Variants in RBFOX1 observed in about 807,000 individuals in gnomAD.
RBFOX1 encodes the protein RNA binding fox-1 homolog 1, also known as RNA binding protein fox-1 homolog 1.
In RBFOX1, 8 loss-of-function variants were observed where a neutral mutation model predicts 57.7. The observed-to-expected ratio is 0.14, with a 90% CI of 0.08 to 0.25. The LOEUF is 0.25. Among genes scored for constraint, RBFOX1 ranks in the 10% least tolerant of loss-of-function variants. The pLI, the probability that RBFOX1 is intolerant of heterozygous loss-of-function variation, is 1.00. For missense variants in RBFOX1, 611 were observed against 548.5 expected (o/e 1.11, Z -1.14); for synonymous variants, 326 against 222.4 (o/e 1.47, Z -4.15).
At chr16:7,707,344 G>T (rs761219980) in intron 14 of RBFOX1, among the ~76,000 whole-genome samples, 2 of 152,082 alleles carry the variant, frequency 1.3e-5, no homozygotes, top group Non-Finnish European at 2.9e-5. Flanking sequence ...ACATGTATTG[G>T]ATTGGTATCA....
chr16:6,014,212 G>A (rs768007871), upstream of RBFOX1, among the ~76,000 whole-genome samples: 3 of 151,364 alleles, frequency 2.0e-5, no homozygotes, highest in Non-Finnish European at 2.9e-5. Flanking sequence ...AATACCACAT[G>A]CTTGTTGCTT....
chr16:6,251,642 A>G (rs544627472), intron 1 of RBFOX1, among the ~76,000 whole-genome samples: 26 of 152,136 alleles, frequency 1.7e-4, no homozygotes, highest in Non-Finnish European at 2.8e-4. Context: ...AATGCCAGCT[A>G]AAACTCTGCT....
chr16:7,036,981 C>G (rs146404467), intron 3 of RBFOX1, among the ~76,000 whole-genome samples: 5 of 152,236 alleles, frequency 3.3e-5, no homozygotes, highest in South Asian at 2.1e-4. Context: ...TACAGGGTAA[C>G]TTCCTGACGT....
rs1214106377 is a variant in RBFOX1, at chr16:5,598,495, C to G, written c.259-407C>G. Among the ~76,000 whole-genome samples the G allele has an allele frequency of 2.0e-5, 3 of 152,072 alleles. No homozygotes were observed. In the East Asian group the frequency reaches 5.8e-4, roughly 29 times the overall value. ...AATAATAAACTTCCTTTGAGATAGTCTTAATATATTTACATTTTTAAACAT... is the reference window on the plus strand; with the variant it reads ...AATAATAAACTTCCTTTGAGATAGTGTTAATATATTTACATTTTTAAACAT... On this transcript the variant is annotated intron_variant, in intron 2 of 2. Transcript: ENST00000585867.
Position 7,522,264 on chromosome 16 carries a change from G to C in RBFOX1, c.270+3875G>C, listed in dbSNP as rs529573250. ...AGAAGCTTGAATTGGTGTTAATCAA[G>C]AGTAGGGAGTGAAGAGAAAGACAAG... On this transcript the variant is annotated intron_variant, in intron 5 of 15. Coordinates refer to ENST00000550418, the MANE Select transcript of RBFOX1 (RefSeq NM_018723.4). Among the ~76,000 whole-genome samples, 199 of 152,314 alleles carry C rather than the reference G, an allele frequency of 1.3e-3. 1 individual carries two copies. Among genetic ancestry groups the C allele is most frequent in the African/African-American group, 4.5e-3 (186 of 41,576 alleles).
chr16:5,331,747 A>G (rs1021661376), intron 1 of RBFOX1, among the ~76,000 whole-genome samples: 1 of 152,256 alleles, frequency 6.6e-6, no homozygotes, highest in African/African-American at 2.4e-5. Flanking sequence ...GTAATTCCCC[A>G]TGGGCTCTCA....
chr16:6,609,637 G>A (rs527522353), intron 2 of RBFOX1, among the ~76,000 whole-genome samples: 2 of 152,070 alleles, frequency 1.3e-5, no homozygotes, highest in South Asian at 4.2e-4. Flanking sequence ...TAGCTGTTTG[G>A]GGGAATCCTG....
chr16:5,757,200 C>A (rs190586716), intron 3 of RBFOX1, among the ~76,000 whole-genome samples: 3 of 145,350 alleles, frequency 2.1e-5, no homozygotes, highest in African/African-American at 7.6e-5. Flanking sequence ...AAGAGCGTGG[C>A]GGGGAAGGTT....
rs547280916 is a variant in RBFOX1, at chr16:5,992,826, C to T, written c.351+125491C>T. Among the ~76,000 whole-genome samples the T allele has an allele frequency of 5.9e-4, 90 of 152,118 alleles. 1 individual carries two copies. Among genetic ancestry groups the T allele is most frequent in the African/African-American group, 7.2e-4 (30 of 41,528 alleles). On this transcript the variant is annotated intron_variant, in intron 4 of 19. Transcript: ENST00000641259. The stretch of plus-strand genomic sequence containing the variant: ...GCAGGTGCCTGTAATCCCAGCTATT[C>T]GGGAGGCTGATACAGGAGAATTGCT...
intron 3 of RBFOX1, among the ~76,000 whole-genome samples, chr16:6,992,187 G>A (rs1157660369): frequency 1.4e-5 from 2 of 146,430 alleles, no homozygotes; most frequent in Non-Finnish European, 3.0e-5. Flanking sequence ...TTTTTGAGAT[G>A]GAGTCTCACT....
At chr16:7,258,873 G>A (rs1014241853) in intron 4 of RBFOX1, among the ~76,000 whole-genome samples, 1 of 152,132 alleles carries the variant, frequency 6.6e-6, no homozygotes, top group Non-Finnish European at 1.5e-5. Flanking sequence ...GGGCTCCTGG[G>A]AAAGGAGAAC....
At chr16:7,684,855 TC>T (rs368628859) in intron 14 of RBFOX1, among the ~76,000 whole-genome samples, 1 of 152,034 alleles carries the variant, frequency 6.6e-6, no homozygotes, top group African/African-American at 2.4e-5. Context: ...AATACCAGCT[TC>T]CCTGTTTTTT....
chr16:6,197,935 C>T (rs7186671), intron 1 of RBFOX1, among the ~76,000 whole-genome samples: 148,229 of 152,266 alleles, frequency 0.97, 72,270 homozygotes, highest in East Asian at 1. Context: ...TTGCTAAAGA[C>T]GATGGCCTCT....
intron 2 of RBFOX1, among the ~76,000 whole-genome samples, chr16:6,508,779 T>C (rs922370733): frequency 6.6e-6 from 1 of 152,004 alleles, no homozygotes; most frequent in African/African-American, 2.4e-5. Context: ...GTATTAAATT[T>C]AGAGAAGAAA....
intron 4 of RBFOX1, among the ~76,000 whole-genome samples, chr16:7,068,168 A>G (rs544086401): frequency 6.6e-6 from 1 of 152,044 alleles, no homozygotes; most frequent in Non-Finnish European, 1.5e-5. Context: ...CCGTAATTAT[A>G]ATTCCATTGG....
At chr16:6,985,852 A>AAAAAAAAT (rs1555718884) in intron 3 of RBFOX1, among the ~76,000 whole-genome samples, 2 of 135,640 alleles carry the variant, frequency 1.5e-5, no homozygotes, top group Non-Finnish European at 3.1e-5. Context: ...AAAAAACAGA[A>AAAAAAAAT]TTTTTTTTTC....
intron 3 of RBFOX1, among the ~76,000 whole-genome samples, chr16:6,676,142 GCA>G (rs59806354): frequency 0.27 from 39,507 of 145,752 alleles, 6,741 homozygotes; most frequent in Middle Eastern, 0.42. Flanking sequence ...ACACACACGC[GCA>G]CACACACACA....
intron 4 of RBFOX1, among the ~76,000 whole-genome samples, chr16:6,004,561 T>A (rs1245034731): frequency 6.6e-6 from 1 of 152,222 alleles, no homozygotes; most frequent in Non-Finnish European, 1.5e-5. Flanking sequence ...ATGATGGGAA[T>A]ATAAACACAG....
intron 2 of RBFOX1, among the ~76,000 whole-genome samples, chr16:6,614,212 G>T (rs988616965): frequency 6.6e-6 from 1 of 152,246 alleles, no homozygotes; most frequent in African/African-American, 2.4e-5. Flanking sequence ...AAATTCTGAT[G>T]CATTTCATAC....
Sources: gnomAD v4.1 joint callset for allele counts (sites outside exome capture counted in the v4.1 genomes callset) on GRCh38, gnomAD v4.1.1 for gene constraint, MANE v1.5 for transcripts, NCBI Gene and HGNC (gene_info 2026-07-23, HGNC 2026-07-21) for gene names.